The following IGSF8 variants were observed in gnomAD, a reference collection of about 807,000 sequenced individuals.
The protein encoded by IGSF8 is immunoglobulin superfamily member 8, also known as CD81 partner 3.
IGSF8 carries 46 observed loss-of-function variants against 55.5 expected under a neutral mutation model. The ratio of observed to expected loss-of-function variants is 0.83; its 90% CI spans 0.65 to 1.06. The LOEUF is 1.06. IGSF8 is among the 50% of genes least tolerant of loss of function. The pLI is 0.00. For missense variants in IGSF8, 731 were observed against 832.3 expected, an observed-to-expected ratio of 0.88 and a Z score of 1.50; for synonymous variants, 314 against 356.1, an observed-to-expected ratio of 0.88 and a Z score of 1.33.
chr1:160,095,028 C>T lies in IGSF8; in HGVS notation c.283G>A (p.Val95Met), dbSNP rs371463306. 5 of 1,614,056 alleles carry T rather than the reference C, an allele frequency of 3.1e-6. No individual in the cohort carries two copies. The highest frequency in any genetic ancestry group is 1.1e-5 in the South Asian group (1 of 91,082). The change falls in exon 2 of 7, where the codon GTG (valine) becomes ATG (methionine). Residue 95 changes from valine to methionine, a missense_variant. Val to Met is a conservative substitution (Grantham distance 21). Coordinates refer to ENST00000314485, the MANE Select transcript of IGSF8 (RefSeq NM_052868.6). ...QFSYAVFKSR[V>M]VAGEVQVQRL... is the part of the protein sequence containing the mutation. ...TGCACCTGCACCTCACCCGCCACCACTCGGGACTTGAAGACAGCATAGGAG... is the reference window on the plus strand; with the variant it reads ...TGCACCTGCACCTCACCCGCCACCATTCGGGACTTGAAGACAGCATAGGAG...
chr1:160,091,684 A>G (rs1570950631), intron 6 of IGSF8, 76 bp from the exon 7 acceptor site: 1 of 685,122 alleles, frequency 1.5e-6, no homozygotes, highest in East Asian at 2.6e-5. Context: ...ACCCCTTAAC[A>G]GGGCCCTGTG....
rs1182240739 is a variant in IGSF8 at position 160,094,004 on chromosome 1, G to A, written c.610C>T (p.Arg204Ter). Residue 204 changes from arginine (R) to a stop codon, truncating the protein, a stop_gained, in exon 3 of 7, where the codon CGA becomes TGA. Transcript: ENST00000314485. LOFTEE classifies it high-confidence loss of function. The surrounding 1 kb of genome is among the most constrained non-coding windows in gnomAD (Gnocchi z 4.0). ...CCAACTGGTGCCTCGGGCACAGATCGCCCAAAGGACACTGCCAGGTGTGTG... is the reference window on the plus strand; with the variant it reads ...CCAACTGGTGCCTCGGGCACAGATCACCCAAAGGACACTGCCAGGTGTGTG... ...KHTHLAVSFG[R>*]SVPEAPVGRS... is the part of the protein sequence containing the mutation. The A allele has an allele frequency of 5.6e-6, 9 of 1,614,076 alleles. No individual in the cohort carries two copies. The East Asian group carries it at 6.7e-5, about 12-fold the overall frequency.
upstream of IGSF8, chr1:160,098,623 C>CTCCCTCCGCCCCTCCCGCTGCTT: frequency 3.5e-6 from 2 of 563,832 alleles, no homozygotes; most frequent in Non-Finnish European, 6.2e-6. Context: ...GCCGAATCCC[C>CTCCCTCCGCCCCTCCCGCTGCTT]TCCCTCCGCC....
intron 3 of IGSF8, 33 bp downstream of exon 3, chr1:160,093,677 G>A (rs1359068182): frequency 6.5e-7 from 1 of 1,540,772 alleles, no homozygotes; most frequent in Non-Finnish European, 8.8e-7. Flanking sequence ...GTCCCTCCCA[G>A]CTCCCACAGT....
At chr1:160,095,470 T>C (rs73023677) in intron 1 of IGSF8, 12 of 583,980 alleles carry the variant, frequency 2.1e-5, no homozygotes, top group Admixed American at 6.0e-5. Flanking sequence ...GGCATCCAGA[T>C]GCATCCCATT....
chr1:160,092,814 G>T, intron 4 of IGSF8, 110 bp downstream of exon 4: 4 of 1,485,800 alleles, frequency 2.7e-6, no homozygotes, highest in Non-Finnish European at 3.7e-6. Context: ...TAGAAGAGGA[G>T]CGTGAGGCTG....
Position 160,091,609 on chromosome 1 carries a change from C to G in IGSF8, c.*16-1G>C. The G allele has an allele frequency of 3.5e-6, 2 of 568,800 alleles. No individual in the cohort carries two copies. The highest frequency in any genetic ancestry group is 5.9e-5 in the East Asian group (2 of 33,648). 35.2% of individuals were successfully genotyped at this position (568,800 alleles called of 1,614,324 possible). ...GGAAGACAGTCGACACCTGCAAGAC[C>G]TGAAAAGGGTGCCCGGTGTGGGCTA... On this transcript the variant is annotated splice_acceptor_variant, in intron 6 of 6. Coordinates refer to ENST00000314485, the MANE Select transcript of IGSF8 (RefSeq NM_052868.6). LOFTEE classifies it low-confidence loss of function (3UTR_SPLICE).
At chr1:160,093,389 C>T (rs1232668479) in intron 3 of IGSF8, 58 bp from the exon 4 acceptor site, 22 of 1,487,808 alleles carry the variant, frequency 1.5e-5, no homozygotes, top group East Asian at 1.1e-4. Flanking sequence ...CAGAGGCACC[C>T]GATTCCCCAA....
Position 160,094,241 on chromosome 1 carries a change from C to A in IGSF8, c.443-70G>T, listed in dbSNP as rs903398609. 2 of 934,722 alleles carry A rather than the reference C, an allele frequency of 2.1e-6. No homozygotes were observed. Among genetic ancestry groups the A allele is most frequent in the African/African-American group, 1.7e-5 (1 of 60,582 alleles). The allele number at this position is 934,722 out of a possible 1,614,324, so 57.9% of individuals were successfully genotyped here. On this transcript the variant is annotated intron_variant, in intron 2 of 6. Coordinates refer to ENST00000314485, the MANE Select transcript of IGSF8 (RefSeq NM_052868.6). This position sits in a 1 kb window ranked among gnomAD's most constrained non-coding sequence, Gnocchi z 4.0. Reference sequence around the variant, plus strand: ...CCTTGTTACTGTTTCCTGTGTATAGCCTATCTCCCTAAATAAACTGTGAGC... The same window carrying A: ...CCTTGTTACTGTTTCCTGTGTATAGACTATCTCCCTAAATAAACTGTGAGC...
At position 160,093,262 on chromosome 1, in the gene IGSF8, A is replaced by G; in HGVS notation, c.974T>C (p.Leu325Pro). 6.2e-7 allele frequency: 1 copy of G among 1,613,610 alleles called. No homozygotes were observed. Among genetic ancestry groups the G allele is most frequent in the Non-Finnish European group, 8.5e-7 (1 of 1,179,600 alleles). ...GGGAAGTGCCCCTGACACATTGCAC[A>G]GCAGTTCCAAGGGCTCCCCTGGGCC... The part of the protein sequence containing the change: ...RIGPGEPLEL[L>P]CNVSGALPPA... Residue 325 changes from leucine to proline, a missense_variant, in exon 4 of 7, where the codon CTG becomes CCG. Transcript: ENST00000314485.
Position 160,093,239 on chromosome 1 carries a change from G to C in IGSF8, c.997C>G (p.Pro333Ala). 6.2e-7 allele frequency: 1 copy of C among 1,614,098 alleles called. No homozygotes were observed. Among genetic ancestry groups the C allele is most frequent in the Non-Finnish European group, 8.5e-7 (1 of 1,179,976 alleles). ...TATGCAGCATGACGGCCTGCTGGGG[G>C]AAGTGCCCCTGACACATTGCACAGC... ...ELLCNVSGAL[P>A]PAGRHAAYSV... The change falls in exon 4 of 7, where the codon CCC becomes GCC. Residue 333 changes from proline to alanine, a missense_variant. Physicochemically the swap from Pro to Ala is conservative, Grantham distance 27 (BLOSUM62 -1). Coordinates refer to ENST00000314485, the MANE Select transcript of IGSF8 (RefSeq NM_052868.6).
Position 160,094,271 on chromosome 1 carries a change from A to G in IGSF8, c.443-100T>C. The G allele has an allele frequency of 1.3e-6, 1 of 744,122 alleles. No individual in the cohort carries two copies. The allele number at this position is 744,122 out of a possible 1,614,324, so 46.1% of individuals were successfully genotyped here. A position where few individuals can be genotyped will look rare whatever the true frequency, so the allele number is the denominator to read the frequency against. Reference sequence around the variant, plus strand: ...CTCCCTAAATAAACTGTGAGCTCCCAGAGGGCAAAGATCGCATGTTGTATT... The same window carrying G: ...CTCCCTAAATAAACTGTGAGCTCCCGGAGGGCAAAGATCGCATGTTGTATT... On this transcript the variant is annotated intron_variant, in intron 2 of 6. Transcript: ENST00000314485. This position sits in a 1 kb window ranked among gnomAD's most constrained non-coding sequence, Gnocchi z 4.0.
chr1:160,091,724 G>C, intron 6 of IGSF8, 84 bp downstream of exon 6: 1 of 846,262 alleles, frequency 1.2e-6, no homozygotes, highest in Admixed American at 1.8e-5. Flanking sequence ...TCCTCCAGGT[G>C]GGGCCTGGGA....
Position 160,098,429 on chromosome 1 carries a change from A to AGCGGCAGCGAAGGCG in IGSF8, c.29_43dup (p.Pro10_Pro14dup). On this transcript the variant is annotated inframe_insertion, in exon 1 of 7. Transcript: ENST00000314485. ...CTTACCTAGCATTAGCAGCAGCAGC[A>AGCGGCAGCGAAGGCG]GCGGCAGCGAAGGCGGCAGCAGCGT... 6.5e-7 allele frequency: 1 copy of AGCGGCAGCGAAGGCG among 1,548,052 alleles called. No homozygotes were observed. Among genetic ancestry groups the AGCGGCAGCGAAGGCG allele is most frequent in the Non-Finnish European group, 8.7e-7 (1 of 1,145,796 alleles).
Position 160,094,852 on chromosome 1 carries a change from G to A in IGSF8, c.442+17C>T, listed in dbSNP as rs757719827. 43 of 1,599,392 alleles carry A rather than the reference G, an allele frequency of 2.7e-5. No individual in the cohort carries two copies. The highest frequency in any genetic ancestry group is 1.6e-4 in the African/African-American group (12 of 74,466). On this transcript the variant is annotated intron_variant, in intron 2 of 6. Coordinates refer to ENST00000314485, the MANE Select transcript of IGSF8 (RefSeq NM_052868.6). The surrounding 1 kb of genome is among the most constrained non-coding windows in gnomAD (Gnocchi z 4.0). ...TTGAGAGGGTGTGTGGCTCCACCCC[G>A]TCCCAGGGCCCAGTACCTCTCAGCT... is the stretch of plus-strand genomic sequence containing the variant.
chr1:160,094,141 G>C lies in IGSF8; in HGVS notation c.473C>G (p.Ala158Gly), dbSNP rs1428555805. 1.2e-6 allele frequency: 2 copies of C among 1,603,352 alleles called. No individual in the cohort carries two copies. Among genetic ancestry groups the C allele is most frequent in the Admixed American group, 3.3e-5 (2 of 59,836 alleles). ...CTGGCGGCCTCGGGGCCCTGGGGGG[G>C]CAGCAGACACCTGGAGGACATCTGG... ...VLPDVLQVSA[A>G]PPGPRGRQAP... The change falls in exon 3 of 7, where the codon GCC (alanine) becomes GGC (glycine). Residue 158 changes from alanine (A) to glycine (G), a missense_variant. Coordinates refer to ENST00000314485, the MANE Select transcript of IGSF8 (RefSeq NM_052868.6). This position sits in a 1 kb window ranked among gnomAD's most constrained non-coding sequence, Gnocchi z 4.0.
Position 160,094,114 on chromosome 1 carries a change from G to T in IGSF8, c.500C>A (p.Ala167Asp). 6.2e-7 allele frequency: 1 copy of T among 1,609,502 alleles called. No homozygotes were observed. Among genetic ancestry groups the T allele is most frequent in the Non-Finnish European group, 8.5e-7 (1 of 1,179,930 alleles). The change falls in exon 3 of 7, where the codon GCC (alanine) becomes GAC (aspartate). Residue 167 changes from alanine (A) to aspartate (D), a missense_variant. Transcript: ENST00000314485. This position sits in a 1 kb window ranked among gnomAD's most constrained non-coding sequence, Gnocchi z 4.0. ...AAPPGPRGRQ[A>D]PTSPPRMTVH... ...CGTCATGCGTGGGGGTGAGGTTGGGGCCTGGCGGCCTCGGGGCCCTGGGGG... is the reference window on the plus strand; with the variant it reads ...CGTCATGCGTGGGGGTGAGGTTGGGTCCTGGCGGCCTCGGGGCCCTGGGGG...
chr1:160,095,669 C>A (rs1231605015), intron 1 of IGSF8, among the ~76,000 whole-genome samples: 2 of 152,246 alleles, frequency 1.3e-5, no homozygotes, highest in Non-Finnish European at 2.9e-5. Flanking sequence ...CTACATGTCC[C>A]TCTCCTTTGC....
chr1:160,092,510 C>A lies in IGSF8; in HGVS notation c.1498G>T (p.Val500Leu), dbSNP rs561389264. 18 of 1,613,232 alleles carry A rather than the reference C, an allele frequency of 1.1e-5. No homozygotes were observed. Among genetic ancestry groups the A allele is most frequent in the Non-Finnish European group, 1.5e-5 (18 of 1,179,814 alleles). ...AGCTCTGCCACACCATCCTGGCCTACGCCACCCACCAGCTGGGCAGGGACA... is the reference window on the plus strand; with the variant it reads ...AGCTCTGCCACACCATCCTGGCCTAAGCCACCCACCAGCTGGGCAGGGACA... The part of the protein sequence containing the change: ...SSVPAQLVGG[V>L]GQDGVAELGV... The change falls in exon 5 of 7, where the codon GTA (valine) becomes TTA (leucine). Residue 500 changes from valine to leucine, a missense_variant. Coordinates refer to ENST00000314485, the MANE Select transcript of IGSF8 (RefSeq NM_052868.6).
Sources: allele counts gnomAD v4.1 joint callset (sites outside exome capture counted in the v4.1 genomes callset), GRCh38; gene constraint gnomAD v4.1.1; non-coding constraint Gnocchi (gnomAD v3.1); transcripts MANE v1.5; gene names NCBI Gene and HGNC (gene_info 2026-07-23, HGNC 2026-07-21).